Variants in FGF14 observed in about 807,000 individuals in gnomAD.
The protein encoded by FGF14 is fibroblast growth factor homologous factor 4.
In FGF14, 5 loss-of-function variants were observed where a neutral mutation model predicts 25.5. That is an observed-to-expected ratio of 0.20 (90% confidence interval 0.10 to 0.41). FGF14 has a LOEUF of 0.41. FGF14 is among the 10% of genes least tolerant of loss of function. FGF14 has a pLI of 1.00. For synonymous variants in FGF14, 138 were observed against 118.3 expected (o/e 1.17, Z -1.08); for missense variants, 222 against 320.1 (o/e 0.69, Z 2.34).
chr13:102,030,555 T>G (rs2139931256), intron 1 of FGF14, among the ~76,000 whole-genome samples: 1 of 151,920 alleles, frequency 6.6e-6, no homozygotes, highest in South Asian at 2.1e-4. Flanking sequence ...AACATCATGG[T>G]TTCAGCACAG....
At chr13:101,938,868 A>C (rs1157054) in intron 1 of FGF14, among the ~76,000 whole-genome samples, 73,262 of 152,098 alleles carry the variant, frequency 0.48, 21,786 homozygotes, top group African/African-American at 0.82. Flanking sequence ...AAATAAGATA[A>C]CTTCATTAAG....
At chr13:102,062,629 G>A (rs1052667265) in intron 1 of FGF14, among the ~76,000 whole-genome samples, 1 of 152,132 alleles carries the variant, frequency 6.6e-6, no homozygotes, top group Non-Finnish European at 1.5e-5. Context: ...ACATTTGAAT[G>A]AAATGAATCA....
At chr13:101,903,231 T>C (rs1444971150) in intron 1 of FGF14, among the ~76,000 whole-genome samples, 1 of 141,124 alleles carries the variant, frequency 7.1e-6, no homozygotes, top group Admixed American at 7.5e-5. Context: ...GTGGAGACTC[T>C]AATTGTGGTG....
At chr13:101,829,079 T>C (rs1314183500) in intron 3 of FGF14, among the ~76,000 whole-genome samples, 4 of 152,072 alleles carry the variant, frequency 2.6e-5, no homozygotes, top group East Asian at 1.9e-4. Context: ...GGCTGGGAGA[T>C]AGATCTAATT....
At chr13:102,307,261 T>C (rs1330909470) in intron 1 of FGF14, among the ~76,000 whole-genome samples, 1 of 152,110 alleles carries the variant, frequency 6.6e-6, no homozygotes, top group Non-Finnish European at 1.5e-5. Flanking sequence ...ATGAACTCTG[T>C]CTGAGAACCT....
intron 3 of FGF14, among the ~76,000 whole-genome samples, chr13:101,847,713 GT>G (rs1359545111): frequency 6.6e-6 from 1 of 152,018 alleles, no homozygotes; most frequent in East Asian, 1.9e-4. Context: ...CAAATCTACA[GT>G]TATTGAAGAA....
chr13:101,957,512 C>T (rs567774952), intron 1 of FGF14, among the ~76,000 whole-genome samples: 5 of 152,272 alleles, frequency 3.3e-5, no homozygotes, highest in Admixed American at 2.6e-4. Context: ...AACAGCATTG[C>T]CATTGGTCAG....
intron 1 of FGF14, among the ~76,000 whole-genome samples, chr13:101,876,429 T>C (rs556808082): frequency 6.6e-6 from 1 of 152,238 alleles, no homozygotes. Context: ...GTCTTGCAAA[T>C]AGGTGAAGAC....
At chr13:102,075,502 C>T (rs2043323695) in intron 1 of FGF14, among the ~76,000 whole-genome samples, 1 of 152,124 alleles carries the variant, frequency 6.6e-6, no homozygotes, top group African/African-American at 2.4e-5. Flanking sequence ...ACTGTGCTGC[C>T]AGTCATCTAA....
chr13:102,255,535 C>T (rs1204727626), intron 1 of FGF14, among the ~76,000 whole-genome samples: 1 of 152,140 alleles, frequency 6.6e-6, no homozygotes, highest in African/African-American at 2.4e-5. Flanking sequence ...AATCAGTTGT[C>T]TTATTAACCC....
chr13:101,936,198 G>A (rs893424940), intron 1 of FGF14, among the ~76,000 whole-genome samples: 12 of 152,214 alleles, frequency 7.9e-5, no homozygotes, highest in African/African-American at 2.9e-4. Flanking sequence ...GCTGTTTGCA[G>A]TCTGCTGAGA....
At chr13:102,294,060 A>G (rs2054569131) in intron 1 of FGF14, 1 of 152,170 alleles carries the variant, frequency 6.6e-6, no homozygotes, top group South Asian at 2.1e-4. Context: ...GAAAAAAATG[A>G]ACAAACACTT....
chr13:101,922,533 T>C (rs574693983), intron 1 of FGF14, among the ~76,000 whole-genome samples: 15 of 152,316 alleles, frequency 9.8e-5, no homozygotes, highest in African/African-American at 3.6e-4. Context: ...GATTGTTGAT[T>C]GATAAATTGA....
chr13:102,143,113 C>T (rs746469325), intron 1 of FGF14, among the ~76,000 whole-genome samples: 2 of 152,110 alleles, frequency 1.3e-5, no homozygotes, highest in African/African-American at 4.8e-5. Context: ...GACACAGATA[C>T]CCACTTATCC....
At chr13:102,112,118 T>C (rs1028440543) in intron 1 of FGF14, among the ~76,000 whole-genome samples, 1 of 152,352 alleles carries the variant, frequency 6.6e-6, no homozygotes, top group South Asian at 2.1e-4. Flanking sequence ...ATTCTAGTAC[T>C]TCATACTTAT....
At chr13:102,236,465 C>G (rs1052870100) in intron 1 of FGF14, among the ~76,000 whole-genome samples, 4 of 152,176 alleles carry the variant, frequency 2.6e-5, no homozygotes, top group African/African-American at 9.6e-5. Context: ...TGAGAACTCT[C>G]ACCGGACGCA....
intron 1 of FGF14, among the ~76,000 whole-genome samples, chr13:101,994,618 AC>A (rs1326677344): frequency 6.6e-6 from 1 of 152,078 alleles, no homozygotes; most frequent in East Asian, 1.9e-4. Context: ...AAATTGTGCA[AC>A]TTTTATTTCA....
At chr13:102,137,616 CTTG>C (rs2046467778) in intron 1 of FGF14, among the ~76,000 whole-genome samples, 2 of 152,114 alleles carry the variant, frequency 1.3e-5, no homozygotes, top group African/African-American at 4.8e-5. Flanking sequence ...CATCCTAGTT[CTTG>C]TTTACTTTCC....
intron 3 of FGF14, among the ~76,000 whole-genome samples, chr13:101,799,078 A>G (rs1594290050): frequency 6.6e-6 from 1 of 152,296 alleles, no homozygotes; most frequent in African/African-American, 2.4e-5. Flanking sequence ...CTGCATACGA[A>G]TGACTTCCAG....
Sources: gnomAD v4.1 joint callset for allele counts (sites outside exome capture counted in the v4.1 genomes callset) on GRCh38, gnomAD v4.1.1 for gene constraint, MANE v1.5 for transcripts, NCBI Gene and HGNC (gene_info 2026-07-23, HGNC 2026-07-21) for gene names.